Variants in VAV1 observed in about 807,000 individuals in gnomAD.
VAV1 encodes proto-oncogene vav.
VAV1 carries 33 observed loss-of-function variants against 128.1 expected under a neutral mutation model. The observed-to-expected ratio is 0.26, with a 90% CI of 0.20 to 0.34. The LOEUF (loss-of-function observed/expected upper bound fraction) is 0.34. VAV1 is among the 10% of genes least tolerant of loss of function. The pLI, the probability that VAV1 is intolerant of heterozygous loss-of-function variation, is 1.00. For missense variants in VAV1, 715 were observed against 1,093.7 expected (o/e 0.65, Z 4.88); for synonymous variants, 394 against 409.8 (o/e 0.96, Z 0.47).
intron 14 of VAV1, 57 bp from the exon 15 acceptor site, chr19:6,832,030 GGTGT>G: frequency 6.8e-7 from 1 of 1,466,740 alleles, no homozygotes; most frequent in Non-Finnish European, 9.5e-7. Context: ...GGGGTGGGTG[GGTGT>G]GTGCTCCCAC....
intron 20 of VAV1, 82 bp downstream of exon 20, chr19:6,836,650 A>G: frequency 1.9e-6 from 3 of 1,564,756 alleles, no homozygotes; most frequent in East Asian, 2.3e-5. Flanking sequence ...GAGTTGGGTC[A>G]TAGTTCCACC....
chr19:6,838,434 TC>T (rs765624250), intron 21 of VAV1, among the ~76,000 whole-genome samples: 1 of 140,018 alleles, frequency 7.1e-6, no homozygotes, highest in Non-Finnish European at 1.5e-5. Flanking sequence ...CATCCATCCA[TC>T]CATCTATCAT....
At chr19:6,789,260 C>CTTTTTTTTTTTTTTTT (rs771682522) in intron 1 of VAV1, among the ~76,000 whole-genome samples, 9 of 144,930 alleles carry the variant, frequency 6.2e-5, no homozygotes, top group African/African-American at 2.3e-4. Flanking sequence ...CTCCTTTCTT[C>CTTTTTTTTTTTTTTTT]TTTTTTTTTT....
At chr19:6,775,110 G>A (rs1202955829) in intron 1 of VAV1, among the ~76,000 whole-genome samples, 2 of 151,990 alleles carry the variant, frequency 1.3e-5, no homozygotes, top group African/African-American at 2.4e-5. Context: ...CCTCAGCTGG[G>A]ACAGGGCTTC....
At chr19:6,790,847 C>A (rs1169800157) in intron 1 of VAV1, among the ~76,000 whole-genome samples, 1 of 152,150 alleles carries the variant, frequency 6.6e-6, no homozygotes, top group Non-Finnish European at 1.5e-5. Context: ...CAGGTCTTTG[C>A]CATGGAAGGG....
intron 1 of VAV1, among the ~76,000 whole-genome samples, chr19:6,778,821 T>C (rs1251281592): frequency 2.6e-5 from 4 of 151,918 alleles, no homozygotes; most frequent in East Asian, 1.9e-4. Context: ...GGTGGGAGAA[T>C]TGCTTGAGTT....
Position 6,833,567 on chromosome 19 carries a change from G to A in VAV1, c.1650G>A (p.Arg550=). The A allele has an allele frequency of 6.2e-7, 1 of 1,612,426 alleles. No individual in the cohort carries two copies. Among genetic ancestry groups the A allele is most frequent in the Non-Finnish European group, 8.5e-7 (1 of 1,178,828 alleles). The change falls in exon 17 of 27, where the codon CGG becomes CGA. Residue 550 remains arginine (R), a synonymous_variant. Coordinates refer to ENST00000602142, the MANE Select transcript of VAV1 (RefSeq NM_005428.4). ...AGGGCTACCGCTGCCATCGGTGCCG[G>A]GCATCTGCACACAAGGAGTGTCTGG... ...FYQGYRCHRC[R]ASAHKECLGR... is the part of the protein sequence containing the mutation.
intron 1 of VAV1, among the ~76,000 whole-genome samples, chr19:6,782,724 A>G (rs1226290002): frequency 3.3e-5 from 5 of 152,058 alleles, no homozygotes; most frequent in Admixed American, 3.3e-4. Context: ...TACAAAATAT[A>G]TATATATATT....
intron 1 of VAV1, among the ~76,000 whole-genome samples, chr19:6,808,975 T>C (rs1384398389): frequency 1.3e-5 from 2 of 151,910 alleles, no homozygotes; most frequent in African/African-American, 2.4e-5. Context: ...TTGGCAGGAG[T>C]ATTCCAAGAA....
chr19:6,813,924 A>G (rs923402883), intron 1 of VAV1, among the ~76,000 whole-genome samples: 1 of 152,030 alleles, frequency 6.6e-6, no homozygotes, highest in Non-Finnish European at 1.5e-5. Flanking sequence ...GCCAGGTATG[A>G]TGGCATATGC....
intron 25 of VAV1, 151 bp from the exon 26 acceptor site, chr19:6,853,796 T>C: frequency 3.4e-6 from 3 of 884,686 alleles, no homozygotes; most frequent in Non-Finnish European, 4.9e-6. Flanking sequence ...TACAATTGTG[T>C]CCCCTTACAG....
intron 6 of VAV1, 47 bp from the exon 7 acceptor site, chr19:6,825,006 G>T: frequency 6.3e-7 from 1 of 1,595,296 alleles, no homozygotes. Flanking sequence ...GACTGGTCTG[G>T]AGGAGGGAAT....
intron 19 of VAV1, 125 bp downstream of exon 19, chr19:6,834,078 T>C: frequency 7.3e-7 from 1 of 1,370,782 alleles, no homozygotes; most frequent in Non-Finnish European, 1.0e-6. Context: ...AGCTCACACC[T>C]GTAATCCCAA....
At chr19:6,824,992 C>T (rs192905589) in intron 6 of VAV1, 61 bp from the exon 7 acceptor site, 5 of 1,554,300 alleles carry the variant, frequency 3.2e-6, no homozygotes, top group East Asian at 2.2e-5. Flanking sequence ...CCCTGTCTCT[C>T]TGAGACTGGT....
At chr19:6,809,394 G>A (rs753086973) in intron 1 of VAV1, among the ~76,000 whole-genome samples, 1 of 152,130 alleles carries the variant, frequency 6.6e-6, no homozygotes, top group Non-Finnish European at 1.5e-5. Flanking sequence ...CTCTTTGGCT[G>A]GTAGGAGCTG....
At chr19:6,808,851 A>G (rs566466035) in intron 1 of VAV1, among the ~76,000 whole-genome samples, 2 of 152,164 alleles carry the variant, frequency 1.3e-5, no homozygotes, top group African/African-American at 4.8e-5. Context: ...GGAGGGCCTC[A>G]TTCACATATC....
intron 1 of VAV1, among the ~76,000 whole-genome samples, chr19:6,784,493 CTTT>C (rs10590205): frequency 0.18 from 25,323 of 137,676 alleles, 2,108 homozygotes; most frequent in Middle Eastern, 0.22. Context: ...CATTCTGTTC[CTTT>C]TTTTTTTTTT....
chr19:6,797,181 G>A (rs1402184896), intron 1 of VAV1, among the ~76,000 whole-genome samples: 2 of 150,034 alleles, frequency 1.3e-5, no homozygotes, highest in African/African-American at 4.9e-5. Flanking sequence ...GCTGTGAGCC[G>A]AGATTGCAGC....
chr19:6,819,450 T>C (rs561471663), intron 1 of VAV1, among the ~76,000 whole-genome samples: 2 of 152,240 alleles, frequency 1.3e-5, no homozygotes, highest in Non-Finnish European at 2.9e-5. Context: ...TTCCTATGAA[T>C]AGAATTGTAC....
Sources: allele counts gnomAD v4.1 joint callset (sites outside exome capture counted in the v4.1 genomes callset), GRCh38; gene constraint gnomAD v4.1.1; transcripts MANE v1.5; gene names NCBI Gene and HGNC (gene_info 2026-07-23, HGNC 2026-07-21).